SLC19A3: variants seen among roughly 807,000 people sequenced by gnomAD.
The protein encoded by SLC19A3 is solute carrier family 19 member 3, also known as thiamine transporter 2.
A neutral mutation model predicts 40.2 loss-of-function variants in SLC19A3; 31 were observed. The ratio of observed to expected loss-of-function variants is 0.77; its 90% confidence interval spans 0.58 to 1.04. The LOEUF (loss-of-function observed/expected upper bound fraction) is 1.04, where lower values mean the gene tolerates loss of function less well. Among genes scored for constraint, SLC19A3 ranks in the 50% least tolerant of loss-of-function variants. The probability of loss-of-function intolerance (pLI) is 0.00; values close to 1 mark genes in which losing one functional copy is unlikely to be tolerated. For synonymous variants in SLC19A3, 212 were observed against 227.5 expected, an observed-to-expected ratio of 0.93 and a Z score of 0.61; for missense variants, 592 against 596.7, an observed-to-expected ratio of 0.99 and a Z score of 0.08.
chr2:227,702,221 G>C lies in SLC19A3; in HGVS notation c.98C>G (p.Pro33Arg). 1 of 1,613,790 alleles carries C rather than the reference G, an allele frequency of 6.2e-7. No individual in the cohort carries two copies. The highest frequency in any genetic ancestry group is 8.5e-7 in the Non-Finnish European group (1 of 1,179,736). Residue 33 changes from proline to arginine, a missense_variant, in exon 2 of 6, where the codon CCA becomes CGA. Transcript: ENST00000644224. The part of the protein sequence containing the change: ...GFFSMMRPSE[P>R]FLIPYLSGPD... ...TCCAGATAAATATGGGATAAGGAATGGTTCTGAGGGTCTCATCATGGAGAA... is the reference window on the plus strand; with the variant it reads ...TCCAGATAAATATGGGATAAGGAATCGTTCTGAGGGTCTCATCATGGAGAA...
intron 1 of SLC19A3, among the ~76,000 whole-genome samples, chr2:227,714,944 T>C (rs1055992677): frequency 7.3e-5 from 11 of 151,218 alleles, no homozygotes; most frequent in African/African-American, 2.7e-4. Context: ...CTCAGTCTCC[T>C]GAGTAGCTGA....
chr2:227,687,251 AGGTTTTGTTGT>A lies in SLC19A3; in HGVS notation c.*135_*145del. On this transcript the variant is annotated 3_prime_UTR_variant, in exon 6 of 6. Coordinates refer to ENST00000644224, the MANE Select transcript of SLC19A3 (RefSeq NM_025243.4). ...CACATAGAGAACTCATCTAAAACTG[AGGTTTTGTTGT>A]GGTTTTGAAAGGTCCATTGGAATCC... 1 of 769,740 alleles carries A rather than the reference AGGTTTTGTTGT, an allele frequency of 1.3e-6. No homozygotes were observed. The highest frequency in any genetic ancestry group is 2.1e-6 in the Non-Finnish European group (1 of 482,714). The allele number at this position is 769,740 out of a possible 1,614,324, so 47.7% of individuals were successfully genotyped here. A position where few individuals can be genotyped will look rare whatever the true frequency, so the allele number is the denominator to read the frequency against.
intron 3 of SLC19A3, among the ~76,000 whole-genome samples, chr2:227,698,056 T>C (rs1695510619): frequency 6.6e-6 from 1 of 152,144 alleles, no homozygotes; most frequent in African/African-American, 2.4e-5. Flanking sequence ...TCCAGCTTGG[T>C]GACAGAGTGA....
At chr2:227,698,600 T>G (rs2106328376) in intron 3 of SLC19A3, 136 bp downstream of exon 3, 2 of 846,208 alleles carry the variant, frequency 2.4e-6, no homozygotes, top group East Asian at 5.0e-5. Flanking sequence ...TGCCCGGCCG[T>G]GACTTTCATT....
At chr2:227,694,415 T>A (rs746993891) in intron 4 of SLC19A3, among the ~76,000 whole-genome samples, 2 of 152,194 alleles carry the variant, frequency 1.3e-5, no homozygotes, top group Non-Finnish European at 2.9e-5. Context: ...AATTAAGACA[T>A]TTCCATGAAG....
At chr2:227,702,464 GCCCA>G in intron 1 of SLC19A3, 144 bp from the exon 2 acceptor site, 1 of 783,054 alleles carries the variant, frequency 1.3e-6, no homozygotes, top group Admixed American at 2.3e-5. Flanking sequence ...CATGATCTCA[GCCCA>G]TTGCAACCTG....
At chr2:227,706,469 G>C in intron 1 of SLC19A3, 1 of 1,220,538 alleles carries the variant, frequency 8.2e-7, no homozygotes, top group Non-Finnish European at 1.0e-6. Flanking sequence ...TGTGTAAACG[G>C]TAGATTAAAA....
At chr2:227,699,792 T>C (rs527988397) in intron 2 of SLC19A3, among the ~76,000 whole-genome samples, 1 of 152,326 alleles carries the variant, frequency 6.6e-6, no homozygotes, top group African/African-American at 2.4e-5. Flanking sequence ...TATTGGCTTA[T>C]TGTGCAATCT....
Position 227,699,293 on chromosome 2 carries a change from C to G in SLC19A3, c.422G>C (p.Gly141Ala). The change falls in exon 3 of 6, where the codon GGC becomes GCC. Residue 141 changes from glycine (G) to alanine (A), a missense_variant. Physicochemically the swap from Gly to Ala is moderately conservative, Grantham distance 60. Coordinates refer to ENST00000644224, the MANE Select transcript of SLC19A3 (RefSeq NM_025243.4). ...VSPEHYQRVS[G>A]YCRSVTLAAY... ...GGCCAGCGTGACGCTCCTGCAGTAG[C>G]CGCTCACTCTCTGGTAGTGCTCGGG... 1 of 1,614,110 alleles carries G rather than the reference C, an allele frequency of 6.2e-7. No individual in the cohort carries two copies.
At chr2:227,712,222 C>CT (rs1234663502) in intron 1 of SLC19A3, among the ~76,000 whole-genome samples, 1 of 151,880 alleles carries the variant, frequency 6.6e-6, no homozygotes, top group African/African-American at 2.4e-5. Context: ...TGGACAACAC[C>CT]TTTTTTTGTC....
At chr2:227,690,150 AAC>A (rs1392911293) in intron 4 of SLC19A3, among the ~76,000 whole-genome samples, 1 of 152,204 alleles carries the variant, frequency 6.6e-6, no homozygotes, top group Non-Finnish European at 1.5e-5. Context: ...TATCAATCTA[AAC>A]TCTTCAAAAG....
chr2:227,698,144 G>A (rs1695513883), intron 3 of SLC19A3, among the ~76,000 whole-genome samples: 1 of 151,990 alleles, frequency 6.6e-6, no homozygotes, highest in Admixed American at 6.6e-5. Context: ...TTTTTCCAGT[G>A]ACTTTCATTC....
chr2:227,697,968 A>G (rs1013902419), intron 3 of SLC19A3, among the ~76,000 whole-genome samples: 3 of 151,900 alleles, frequency 2.0e-5, no homozygotes, highest in South Asian at 2.1e-4. Context: ...AGTCCCAGCT[A>G]CTCAGGAGGC....
intron 3 of SLC19A3, among the ~76,000 whole-genome samples, chr2:227,696,934 G>A (rs1399936435): frequency 3.9e-5 from 6 of 152,098 alleles, no homozygotes; most frequent in Admixed American, 2.6e-4. Flanking sequence ...GCATGGTGGC[G>A]GGCACCTGCA....
At position 227,710,531 on chromosome 2, in the gene SLC19A3, A is replaced by G. The variant is rs145236785; in HGVS notation, c.-3+7412T>C. ...GCCAACATGGCAAAACTCGGTCTGT[A>G]CTAAAAATATAAAAATTAGCCAGTT... On this transcript the variant is annotated intron_variant, in intron 1 of 5. Transcript: ENST00000644224. Among the ~76,000 whole-genome samples the G allele has an allele frequency of 1.3e-3, 195 of 152,268 alleles. 2 individuals are homozygous for G. Among genetic ancestry groups the G allele is most frequent in the African/African-American group, 4.5e-3 (185 of 41,556 alleles).
intron 1 of SLC19A3, among the ~76,000 whole-genome samples, chr2:227,706,066 G>C (rs1377413737): frequency 5.3e-5 from 8 of 151,494 alleles, no homozygotes; most frequent in African/African-American, 1.9e-4. Flanking sequence ...AAATGCAGAA[G>C]AAAAAATGCA....
In SLC19A3 at chr2:227,688,249, T is replaced by A; in HGVS notation, c.1231A>T (p.Thr411Ser). ...GTCTGAATCACCAAGGCAATAAAGGTGTTGATTCCAAATACCAAGGCATAG... is the reference window on the plus strand; with the variant it reads ...GTCTGAATCACCAAGGCAATAAAGGAGTTGATTCCAAATACCAAGGCATAG... ...ERYALVFGIN[T>S]FIALVIQTIM... Residue 411 changes from threonine to serine, a missense_variant, in exon 5 of 6, where the codon ACC (threonine) becomes TCC (serine). By Grantham distance (58) the Thr-to-Ser change is moderately conservative. Transcript: ENST00000644224. The A allele has an allele frequency of 6.2e-7, 1 of 1,614,066 alleles. No homozygotes were observed. The highest frequency in any genetic ancestry group is 8.5e-7 in the Non-Finnish European group (1 of 1,179,930).
At position 227,692,778 on chromosome 2, in the gene SLC19A3, C is replaced by T. The variant is rs914711814; in HGVS notation, c.1172+3111G>A. 5.3e-5 allele frequency among the ~76,000 whole-genome samples: 8 copies of T among 152,054 alleles called. No individual in the cohort carries two copies. The East Asian group carries it at 7.7e-4, about 15-fold the overall frequency. On this transcript the variant is annotated intron_variant, in intron 4 of 5. Coordinates refer to ENST00000644224, the MANE Select transcript of SLC19A3 (RefSeq NM_025243.4). ...AAGTCAAATTATCCTTGCTTGCAGA[C>T]GATATGATCTTACATTTAGGAAAAC...
rs112745331 is a variant in SLC19A3, at chr2:227,698,618, GAA to G, written c.979+116_979+117del. 2,562 of 971,782 alleles carry G rather than the reference GAA, an allele frequency of 2.6e-3. 39 individuals carry two copies. In the African/African-American group the frequency reaches 0.036, roughly 14 times the overall value. The allele number at this position is 971,782 out of a possible 1,614,324, so 60.2% of individuals were successfully genotyped here. A position where few individuals can be genotyped will look rare whatever the true frequency, so the allele number is the denominator to read the frequency against. On this transcript the variant is annotated intron_variant, in intron 3 of 5. Transcript: ENST00000644224. ...CCGGCCGTGACTTTCATTCTTGACT[GAA>G]AAAAGTTATGCTTCCTTCTGAACAG...
Sources: allele counts gnomAD v4.1 joint callset (sites outside exome capture counted in the v4.1 genomes callset), GRCh38; gene constraint gnomAD v4.1.1; transcripts MANE v1.5; gene names NCBI Gene and HGNC (gene_info 2026-07-23, HGNC 2026-07-21).